PRMT7: variants seen among roughly 807,000 people sequenced by gnomAD.
PRMT7 encodes the protein protein arginine N-methyltransferase 7.
In PRMT7, 75 loss-of-function variants were observed where a neutral mutation model predicts 85.4. The observed-to-expected ratio is 0.88, with a 90% CI of 0.73 to 1.06. PRMT7 has a LOEUF of 1.06. Ranked by LOEUF, PRMT7 falls within the 50% of genes least tolerant of loss-of-function variation. The pLI, the probability that PRMT7 is intolerant of heterozygous loss-of-function variation, is 0.00. For missense variants in PRMT7, 868 were observed against 915.2 expected, an observed-to-expected ratio of 0.95 and a Z score of 0.67; for synonymous variants, 397 against 359.5, an observed-to-expected ratio of 1.10 and a Z score of -1.18.
chr16:68,320,335 T>TG (rs35231151), intron 3 of PRMT7, among the ~76,000 whole-genome samples: 1 of 152,102 alleles, frequency 6.6e-6, no homozygotes, highest in Non-Finnish European at 1.5e-5. Flanking sequence ...GAGTGGGAAT[T>TG]GGGGGGCTGA....
intron 9 of PRMT7, among the ~76,000 whole-genome samples, chr16:68,340,301 C>T (rs1380852361): frequency 6.6e-6 from 1 of 152,152 alleles, no homozygotes; most frequent in Non-Finnish European, 1.5e-5. Flanking sequence ...TAGAGAACTA[C>T]AGCCTCACCT....
rs117320986 is a variant in PRMT7 at position 68,349,444 on chromosome 16, G to A, written c.1413+1013G>A. On this transcript the variant is annotated intron_variant, in intron 14 of 18. Coordinates refer to ENST00000441236, the MANE Select transcript of PRMT7 (RefSeq NM_019023.5). Reference sequence around the variant, plus strand: ...GCCACAAACTGGACTCACCCAACGCGGAGCTATCATCTTTCATCTTTCCTG... The same window carrying A: ...GCCACAAACTGGACTCACCCAACGCAGAGCTATCATCTTTCATCTTTCCTG... Among the ~76,000 whole-genome samples the A allele has an allele frequency of 1.8e-3, 275 of 152,166 alleles. 3 individuals are homozygous for A. The East Asian group carries it at 0.031, about 17-fold the overall frequency.
intron 2 of PRMT7, among the ~76,000 whole-genome samples, chr16:68,313,703 G>A (rs1597075777): frequency 6.6e-6 from 1 of 152,340 alleles, no homozygotes; most frequent in Non-Finnish European, 1.5e-5. Flanking sequence ...ATAAATGTTA[G>A]TACATGAGAT....
At chr16:68,359,690 G>T (rs542591384), downstream of PRMT7, 3 of 152,738 alleles carry the variant, frequency 2.0e-5, no homozygotes, top group Middle Eastern at 3.4e-3. Context: ...GCCAGGCTGG[G>T]TGTAGGGCCA....
chr16:68,328,649 C>T, intron 5 of PRMT7: 1 of 184,872 alleles, frequency 5.4e-6, no homozygotes. Flanking sequence ...AGGCTGTGTT[C>T]TGCCAACAGT....
intron 6 of PRMT7, among the ~76,000 whole-genome samples, chr16:68,331,868 A>C (rs2083959133): frequency 6.6e-6 from 1 of 152,148 alleles, no homozygotes; most frequent in Non-Finnish European, 1.5e-5. Context: ...TTCTATAAGC[A>C]CATTTATTTT....
chr16:68,324,627 C>G (rs2082887372), intron 4 of PRMT7, 56 bp from the exon 5 acceptor site: 2 of 1,599,166 alleles, frequency 1.3e-6, no homozygotes, highest in Admixed American at 3.3e-5. Context: ...CTTTGCAAAG[C>G]ACCTTTCCAC....
At chr16:68,347,793 C>G in intron 13 of PRMT7, 115 bp downstream of exon 13, 2 of 936,578 alleles carry the variant, frequency 2.1e-6, no homozygotes, top group Non-Finnish European at 3.3e-6. Context: ...GCTTGCACCC[C>G]TGTGTTGTCT....
At chr16:68,326,206 C>T (rs551351934) in intron 5 of PRMT7, among the ~76,000 whole-genome samples, 5 of 152,000 alleles carry the variant, frequency 3.3e-5, no homozygotes, top group Non-Finnish European at 7.4e-5. Context: ...AAATACTTTC[C>T]CTACAAAATT....
chr16:68,343,296 G>C (rs1355028441), intron 9 of PRMT7, among the ~76,000 whole-genome samples: 1 of 152,144 alleles, frequency 6.6e-6, no homozygotes, highest in African/African-American at 2.4e-5. Flanking sequence ...AGACAAACAA[G>C]GTAACCACAA....
At chr16:68,313,029 T>C (rs1210107694) in intron 2 of PRMT7, among the ~76,000 whole-genome samples, 2 of 152,238 alleles carry the variant, frequency 1.3e-5, no homozygotes, top group Non-Finnish European at 2.9e-5. Flanking sequence ...TTCGCCATGT[T>C]GGCCAGGCTG....
rs554322517 is a variant in PRMT7 at position 68,344,127 on chromosome 16, A to C, written c.928-1548A>C. 2.0e-5 allele frequency among the ~76,000 whole-genome samples: 3 copies of C among 152,256 alleles called. No individual in the cohort carries two copies. In the East Asian group the frequency reaches 5.8e-4, roughly 29 times the overall value. On this transcript the variant is annotated intron_variant, in intron 9 of 18. Transcript: ENST00000441236. ...GGACTACAGGCACTTGCCACTATGCATGGCTAATCTTGTGTTTTTTGTAGA... is the reference window on the plus strand; with the variant it reads ...GGACTACAGGCACTTGCCACTATGCCTGGCTAATCTTGTGTTTTTTGTAGA...
rs772735898 is a variant in PRMT7 at position 68,345,678 on chromosome 16, C to A, written c.931C>A (p.Arg311=). 1 of 1,611,920 alleles carries A rather than the reference C, an allele frequency of 6.2e-7. No individual in the cohort carries two copies. The highest frequency in any genetic ancestry group is 1.1e-5 in the South Asian group (1 of 91,044). Residue 311 remains arginine (R), a synonymous_variant, in exon 10 of 19, where the codon CGG becomes AGG. Transcript: ENST00000441236. ...AHSDPEEMQW[R]DHWMQCVYFL... is the part of the protein sequence containing the mutation. ...CTGACTCTGTTCTCCGTTTCAGTGGCGGGACCACTGGATGCAGTGTGTGTA... is the reference window on the plus strand; with the variant it reads ...CTGACTCTGTTCTCCGTTTCAGTGGAGGGACCACTGGATGCAGTGTGTGTA...
At chr16:68,348,239 C>A (rs1567724781) in intron 13 of PRMT7, 103 bp from the exon 14 acceptor site, 4 of 976,972 alleles carry the variant, frequency 4.1e-6, no homozygotes, top group Admixed American at 2.1e-5. Flanking sequence ...GAACCATTTG[C>A]CGGAAAATTC....
intron 11 of PRMT7, among the ~76,000 whole-genome samples, chr16:68,346,978 G>A (rs960222964): frequency 1.1e-5 from 1 of 92,672 alleles, no homozygotes; most frequent in Admixed American, 1.2e-4. Context: ...GGCCTTCAGC[G>A]GGGCCTCTAG....
rs2044265537 is a variant in PRMT7 at position 68,313,581 on chromosome 16, C to A, written c.-84+1405C>A. Among the ~76,000 whole-genome samples, 4 of 152,302 alleles carry A rather than the reference C, an allele frequency of 2.6e-5. No individual in the cohort carries two copies. The South Asian group carries it at 8.3e-4, about 32-fold the overall frequency. On this transcript the variant is annotated intron_variant, in intron 2 of 18. Coordinates refer to ENST00000441236, the MANE Select transcript of PRMT7 (RefSeq NM_019023.5). ...AGCTGAATCCACCTTTTAAGCCTTC[C>A]TTGAACATTCAGTCAGATATGGCCA...
chr16:68,314,839 GGCCATACAAGAC>G (rs1464881423), intron 2 of PRMT7, among the ~76,000 whole-genome samples: 3 of 152,146 alleles, frequency 2.0e-5, no homozygotes, highest in Non-Finnish European at 4.4e-5. Context: ...TGGGGAGACA[GGCCATACAAGAC>G]GTGAATCTGG....
chr16:68,331,543 T>C (rs2083907936), intron 6 of PRMT7, among the ~76,000 whole-genome samples: 1 of 151,544 alleles, frequency 6.6e-6, no homozygotes, highest in Admixed American at 6.6e-5. Context: ...GCATGGCTTA[T>C]TGCAGCTTTG....
chr16:68,334,166 G>A (rs2084326462), intron 6 of PRMT7, among the ~76,000 whole-genome samples: 1 of 152,190 alleles, frequency 6.6e-6, no homozygotes, highest in Non-Finnish European at 1.5e-5. Context: ...CCCAGCTGAG[G>A]CATCCTGAGG....
Sources: allele counts gnomAD v4.1 joint callset (sites outside exome capture counted in the v4.1 genomes callset), GRCh38; gene constraint gnomAD v4.1.1; transcripts MANE v1.5; gene names NCBI Gene and HGNC (gene_info 2026-07-23, HGNC 2026-07-21).